The following AGMO variants were observed in gnomAD, a reference collection of about 807,000 sequenced individuals.
AGMO encodes glyceryl-ether monooxygenase.
AGMO carries 75 observed loss-of-function variants against 60.2 expected under a neutral mutation model. That is an observed-to-expected ratio of 1.25 (90% CI 1.03 to 1.51). The LOEUF is 1.51. Among genes scored for constraint, AGMO ranks in the 40% most tolerant of loss-of-function variants. The pLI is 0.00. For missense variants in AGMO, 763 were observed against 525.5 expected (o/e 1.45, Z -4.42); for synonymous variants, 261 against 177.1 (o/e 1.47, Z -3.76).
intron 10 of AGMO, 64 bp from the exon 11 acceptor site, chr7:15,366,286 T>C: frequency 7.7e-7 from 1 of 1,302,234 alleles, no homozygotes; most frequent in Non-Finnish European, 1.1e-6. Flanking sequence ...ACACGAACGG[T>C]TAAAGCTTAC....
At chr7:15,243,308 A>T (rs1052295785) in intron 12 of AGMO, among the ~76,000 whole-genome samples, 1 of 152,080 alleles carries the variant, frequency 6.6e-6, no homozygotes, top group Non-Finnish European at 1.5e-5. Context: ...ATTATTCTCT[A>T]GACTATTCTG....
chr7:15,256,174 G>C (rs531599461), intron 12 of AGMO, among the ~76,000 whole-genome samples: 25 of 152,274 alleles, frequency 1.6e-4, no homozygotes, highest in African/African-American at 5.8e-4. Context: ...CCAAGGAAAC[G>C]AGAGTGTTCA....
At chr7:15,186,377 G>C in the AGMO span, among the ~76,000 whole-genome samples, 1 of 152,090 alleles carries the variant, frequency 6.6e-6, no homozygotes, top group Non-Finnish European at 1.5e-5. Context: ...TGCTTTTCCA[G>C]AGCCCTTTGG....
intron 3 of AGMO, among the ~76,000 whole-genome samples, chr7:15,461,761 G>C (rs1413921745): frequency 6.6e-6 from 1 of 152,040 alleles, no homozygotes. Flanking sequence ...AGAGTCTTTG[G>C]GGGGCTGAAA....
chr7:15,372,288 T>C (rs914593573), intron 10 of AGMO, among the ~76,000 whole-genome samples: 1 of 151,898 alleles, frequency 6.6e-6, no homozygotes, highest in Non-Finnish European at 1.5e-5. Flanking sequence ...CCGTCTCTAC[T>C]AAAAATACAA....
chr7:15,524,462 A>G (rs936036888), intron 3 of AGMO, among the ~76,000 whole-genome samples: 29 of 152,312 alleles, frequency 1.9e-4, no homozygotes, highest in African/African-American at 7.0e-4. Flanking sequence ...TATTTATAAA[A>G]AATGCTAATT....
intron 12 of AGMO, among the ~76,000 whole-genome samples, chr7:15,209,360 T>C (rs1328688613): frequency 2.0e-5 from 3 of 148,728 alleles, no homozygotes; most frequent in Non-Finnish European, 4.4e-5. Context: ...TTCTCTACCA[T>C]GTAGGAAACA....
downstream of AGMO, among the ~76,000 whole-genome samples, chr7:15,198,256 ACAGAGACAGAGAGAGAGTGT>A (rs1781184857): frequency 1.9e-5 from 1 of 53,646 alleles, no homozygotes; most frequent in Non-Finnish European, 3.3e-5. Context: ...AGAGAGAGAG[ACAGAGACAGAGAGAGAGTGT>A]GTTAAAGTCC....
At chr7:15,381,389 A>C (rs1332712014) in intron 10 of AGMO, among the ~76,000 whole-genome samples, 2 of 151,998 alleles carry the variant, frequency 1.3e-5, no homozygotes, top group Non-Finnish European at 2.9e-5. Flanking sequence ...TTTCAAAAGA[A>C]GACATACATG....
At chr7:15,129,669 T>C in the AGMO span, among the ~76,000 whole-genome samples, 1 of 152,246 alleles carries the variant, frequency 6.6e-6, no homozygotes, top group Non-Finnish European at 1.5e-5. Flanking sequence ...TGAAGTATTT[T>C]CCCTTAGGGG....
intron 10 of AGMO, among the ~76,000 whole-genome samples, chr7:15,371,657 T>G (rs915174034): frequency 7.2e-5 from 11 of 152,096 alleles, no homozygotes; most frequent in African/African-American, 2.7e-4. Context: ...CCCTGCCTCC[T>G]AAAGTGCTGG....
intron 3 of AGMO, among the ~76,000 whole-genome samples, chr7:15,540,380 A>G (rs536031543): frequency 6.6e-6 from 1 of 152,268 alleles, no homozygotes; most frequent in East Asian, 1.9e-4. Context: ...GGTGTAGGCT[A>G]CAGCTGAGCA....
At position 15,446,656 on chromosome 7, in the gene AGMO, A is replaced by G. The variant is rs140794895; in HGVS notation, c.410-15548T>C. ...ACCTTATAAAGAATAGATTGCATTT[A>G]GTTGTTTTTCTAAACAACCAACATG... On this transcript the variant is annotated intron_variant, in intron 3 of 12. Transcript: ENST00000342526. Among the ~76,000 whole-genome samples the G allele has an allele frequency of 2.1e-4, 32 of 152,364 alleles. No homozygotes were observed. In the East Asian group the frequency reaches 5.8e-3, roughly 28 times the overall value.
intron 10 of AGMO, among the ~76,000 whole-genome samples, chr7:15,376,810 C>G (rs1293468196): frequency 6.6e-6 from 1 of 151,986 alleles, no homozygotes; most frequent in Admixed American, 6.6e-5. Flanking sequence ...GATTACTAAA[C>G]CAAAATCAAC....
intron 3 of AGMO, among the ~76,000 whole-genome samples, chr7:15,505,696 T>G (rs1468724791): frequency 6.6e-6 from 1 of 152,024 alleles, no homozygotes; most frequent in Non-Finnish European, 1.5e-5. Flanking sequence ...CAAACTAATG[T>G]TAAATTCCCA....
intron 9 of AGMO, 62 bp downstream of exon 9, chr7:15,387,344 G>A: frequency 1.3e-6 from 2 of 1,564,772 alleles, no homozygotes; most frequent in Non-Finnish European, 1.7e-6. Flanking sequence ...TGTACAGGCT[G>A]GCTGTAGACC....
At chr7:15,287,454 C>G (rs1017629398) in intron 12 of AGMO, among the ~76,000 whole-genome samples, 9 of 152,098 alleles carry the variant, frequency 5.9e-5, no homozygotes, top group African/African-American at 9.7e-5. Context: ...AATATTTACT[C>G]TGAACTTCTC....
chr7:15,442,781 T>A (rs1419543603), intron 3 of AGMO, among the ~76,000 whole-genome samples: 1 of 151,850 alleles, frequency 6.6e-6, no homozygotes, highest in African/African-American at 2.4e-5. Flanking sequence ...CACACCCCCA[T>A]CCTGTGCCTA....
At chr7:15,410,647 C>A (rs942995731) in intron 5 of AGMO, among the ~76,000 whole-genome samples, 7 of 151,662 alleles carry the variant, frequency 4.6e-5, no homozygotes, top group Non-Finnish European at 1.0e-4. Flanking sequence ...ATCTATATTT[C>A]AAAAAAGATA....
Sources: gnomAD v4.1 joint callset for allele counts (sites outside exome capture counted in the v4.1 genomes callset) on GRCh38, gnomAD v4.1.1 for gene constraint, MANE v1.5 for transcripts, NCBI Gene and HGNC (gene_info 2026-07-23, HGNC 2026-07-21) for gene names.